Variants in EPHA5 observed in about 807,000 individuals in gnomAD.
EPHA5 encodes ephrin type-A receptor 5.
EPHA5 carries 60 observed loss-of-function variants against 105.0 expected under a neutral mutation model. The observed-to-expected ratio is 0.57, with a 90% CI of 0.46 to 0.71. The LOEUF (loss-of-function observed/expected upper bound fraction) is 0.71. Among genes scored for constraint, EPHA5 ranks in the 30% least tolerant of loss-of-function variants. The pLI is 0.00. For synonymous variants in EPHA5, 513 were observed against 449.1 expected (o/e 1.14, Z -1.80); for missense variants, 1,218 against 1,274.7 (o/e 0.96, Z 0.68).
chr4:65,570,095 A>G (rs1739965182), intron 3 of EPHA5, among the ~76,000 whole-genome samples: 1 of 151,742 alleles, frequency 6.6e-6, no homozygotes, highest in Non-Finnish European at 1.5e-5. Flanking sequence ...TCACTGGGCA[A>G]CTTAGTAATT....
chr4:65,601,682 A>T lies in EPHA5; in HGVS notation c.869T>A (p.Met290Lys), dbSNP rs1743738411. The T allele has an allele frequency of 1.2e-6, 2 of 1,614,074 alleles. No individual in the cohort carries two copies. The highest frequency in any genetic ancestry group is 8.5e-7 in the Non-Finnish European group (1 of 1,179,972). Residue 290 changes from methionine (M) to lysine (K), a missense_variant, in exon 3 of 17, where the codon ATG becomes AAG. Coordinates refer to ENST00000613740, the MANE Select transcript of EPHA5 (RefSeq NM_001281766.3). ...GEWLVPIGKC[M>K]CKAGYEEKNG... ...TTTCTCTTCATATCCTGCCTTGCACATGCATTTCCCGATGGGCACCAGCCA... is the reference window on the plus strand; with the variant it reads ...TTTCTCTTCATATCCTGCCTTGCACTTGCATTTCCCGATGGGCACCAGCCA...
intron 8 of EPHA5, among the ~76,000 whole-genome samples, chr4:65,388,071 G>T (rs1345623500): frequency 6.7e-6 from 1 of 148,570 alleles, no homozygotes; most frequent in African/African-American, 2.5e-5. Flanking sequence ...TGAGGTGTTT[G>T]GTTTTTTGTC....
chr4:65,601,541 G>T, intron 3 of EPHA5, 100 bp downstream of exon 3: 1 of 1,172,822 alleles, frequency 8.5e-7, no homozygotes, highest in Non-Finnish European at 1.2e-6. Context: ...CCATAAATTA[G>T]CAAAGTAAAA....
intron 6 of EPHA5, among the ~76,000 whole-genome samples, chr4:65,418,522 A>G (rs1175981193): frequency 6.6e-6 from 1 of 152,192 alleles, no homozygotes; most frequent in Non-Finnish European, 1.5e-5. Flanking sequence ...ATTTTTGGTG[A>G]ATAATGTATT....
chr4:65,511,176 G>A (rs74654437), intron 3 of EPHA5, among the ~76,000 whole-genome samples: 5,838 of 152,240 alleles, frequency 0.038, 134 homozygotes, highest in Admixed American at 0.073. Flanking sequence ...CCCAGCCTGT[G>A]GTTATGGCAA....
At chr4:65,506,820 T>G (rs1428015695) in intron 3 of EPHA5, among the ~76,000 whole-genome samples, 1 of 152,264 alleles carries the variant, frequency 6.6e-6, no homozygotes, top group African/African-American at 2.4e-5. Flanking sequence ...ATTCTGTAGG[T>G]TGCCTGTTCA....
chr4:65,503,825 T>C (rs1192906923), intron 3 of EPHA5, among the ~76,000 whole-genome samples: 3 of 151,442 alleles, frequency 2.0e-5, no homozygotes, highest in East Asian at 1.9e-4. Flanking sequence ...AGAAACACAC[T>C]AATTGCTTAA....
At chr4:65,485,818 T>C (rs6854748) in intron 5 of EPHA5, among the ~76,000 whole-genome samples, 6,672 of 152,142 alleles carry the variant, frequency 0.044, 217 homozygotes, top group African/African-American at 0.09. Context: ...TTAAAAGAAA[T>C]CAGAAGACCT....
intron 5 of EPHA5, among the ~76,000 whole-genome samples, chr4:65,465,422 T>G (rs1200493791): frequency 7.5e-6 from 1 of 133,354 alleles, no homozygotes; most frequent in African/African-American, 2.9e-5. Flanking sequence ...TGAGACTCCA[T>G]CCCCCCACCC....
At chr4:65,333,099 A>T (rs1297898885) in intron 15 of EPHA5, among the ~76,000 whole-genome samples, 1 of 151,888 alleles carries the variant, frequency 6.6e-6, no homozygotes, top group Non-Finnish European at 1.5e-5. Context: ...TATAATGATG[A>T]TGATGACTTT....
At chr4:65,643,953 T>C (rs1747895229) in intron 1 of EPHA5, among the ~76,000 whole-genome samples, 8 of 152,026 alleles carry the variant, frequency 5.3e-5, no homozygotes, top group Admixed American at 5.2e-4. Context: ...AAATTGCAAG[T>C]TTAATTAAGA....
chr4:65,396,562 C>G (rs115583250), intron 8 of EPHA5, among the ~76,000 whole-genome samples: 1 of 152,052 alleles, frequency 6.6e-6, no homozygotes, highest in Non-Finnish European at 1.5e-5. Context: ...ACCCTAAATG[C>G]GACACCAGTG....
chr4:65,634,688 A>G (rs972598721), intron 2 of EPHA5, among the ~76,000 whole-genome samples: 1 of 152,052 alleles, frequency 6.6e-6, no homozygotes, highest in Non-Finnish European at 1.5e-5. Context: ...CATTCCCTTT[A>G]GAATTATTGT....
At chr4:65,401,925 G>C (rs1019680148) in intron 8 of EPHA5, among the ~76,000 whole-genome samples, 2 of 151,732 alleles carry the variant, frequency 1.3e-5, no homozygotes, top group Non-Finnish European at 2.9e-5. Context: ...GAGAGAGAGA[G>C]AGAGAGAAAG....
At chr4:65,585,136 G>GTGTGTC (rs1741993421) in intron 3 of EPHA5, among the ~76,000 whole-genome samples, 1 of 151,530 alleles carries the variant, frequency 6.6e-6, no homozygotes, top group Non-Finnish European at 1.5e-5. Flanking sequence ...GTGTGTGTGT[G>GTGTGTC]TGTGTGTGTC....
intron 3 of EPHA5, among the ~76,000 whole-genome samples, chr4:65,586,135 A>C (rs1578500590): frequency 6.6e-6 from 1 of 151,688 alleles, no homozygotes; most frequent in Admixed American, 6.6e-5. Flanking sequence ...GTAATGAGAA[A>C]GTATCAATAA....
At chr4:65,490,340 G>C (rs779441558) in intron 5 of EPHA5, 37 bp downstream of exon 5, 3 of 1,567,008 alleles carry the variant, frequency 1.9e-6, no homozygotes, top group South Asian at 1.1e-5. Context: ...ACAGAACTAG[G>C]CCTCACATAC....
intron 3 of EPHA5, among the ~76,000 whole-genome samples, chr4:65,583,249 T>G (rs1330359924): frequency 6.6e-6 from 1 of 151,558 alleles, no homozygotes; most frequent in Non-Finnish European, 1.5e-5. Flanking sequence ...AATGAGAAAC[T>G]CTTGCCACTA....
In EPHA5 at chr4:65,323,272, T is replaced by G. The variant is rs1336177072; in HGVS notation, c.*842A>C. 2 of 229,278 alleles carry G rather than the reference T, an allele frequency of 8.7e-6. No individual in the cohort carries two copies. The highest frequency in any genetic ancestry group is 1.7e-5 in the Non-Finnish European group (2 of 115,612). The allele number at this position is 229,278 out of a possible 1,614,324, so 14.2% of individuals were successfully genotyped here. ...TTGTGTTAAATTTTGTTTTACTGCTTCCCTATTTCTCCTATTCATATTACA... is the reference window on the plus strand; with the variant it reads ...TTGTGTTAAATTTTGTTTTACTGCTGCCCTATTTCTCCTATTCATATTACA... On this transcript the variant is annotated 3_prime_UTR_variant, in exon 17 of 17. Coordinates refer to ENST00000613740, the MANE Select transcript of EPHA5 (RefSeq NM_001281766.3).
Sources: gnomAD v4.1 joint callset for allele counts (sites outside exome capture counted in the v4.1 genomes callset) on GRCh38, gnomAD v4.1.1 for gene constraint, MANE v1.5 for transcripts, NCBI Gene and HGNC (gene_info 2026-07-23, HGNC 2026-07-21) for gene names.